Variants in SERPINA7 observed in about 807,000 individuals in gnomAD.
SERPINA7 encodes thyroxine-binding globulin.
SERPINA7 carries 14 observed loss-of-function variants against 16.0 expected under a neutral mutation model. The ratio of observed to expected loss-of-function variants is 0.88; its 90% CI spans 0.58 to 1.37. The LOEUF (loss-of-function observed/expected upper bound fraction) is 1.37. Among genes scored for constraint, SERPINA7 ranks in the 40% most tolerant of loss-of-function variants. The probability of loss-of-function intolerance (pLI) is 0.00; values close to 1 mark genes in which losing one functional copy is unlikely to be tolerated. For synonymous variants in SERPINA7, 140 were observed against 111.0 expected, an observed-to-expected ratio of 1.26 and a Z score of -1.65; for missense variants, 335 against 296.6, an observed-to-expected ratio of 1.13 and a Z score of -0.95.
rs1267062836 is a variant in SERPINA7 at position 106,036,546 on chromosome X, C to A, written c.513G>T (p.Gln171His). ...GCATCTCCACATGACTGTTAATCTC[C>A]TGCTTGGCTGCAGAAATGTTGGAGA... is the stretch of plus-strand genomic sequence containing the variant. ...TDFSNISAAK[Q>H]EINSHVEMQT... Residue 171 changes from glutamine to histidine, a missense_variant, in exon 2 of 5, where the codon CAG becomes CAT. Gln to His is a conservative substitution (Grantham distance 24). Transcript: ENST00000372563. 1 of 1,211,338 alleles carries A rather than the reference C, an allele frequency of 8.3e-7. No homozygotes were observed. The highest frequency in any genetic ancestry group is 3.0e-5 in the East Asian group (1 of 33,788).
chrX:106,034,301 C>A lies in SERPINA7; in HGVS notation c.978G>T (p.Gln326His). 1 of 1,206,408 alleles carries A rather than the reference C, an allele frequency of 8.3e-7. No homozygotes were observed. Among genetic ancestry groups the A allele is most frequent in the Non-Finnish European group, 1.1e-6 (1 of 890,730 alleles). ...AATCAGCATTTTCAGAATAGGCATGCTGAATGCCCATCTTCAAAAGTGTGG... is the reference window on the plus strand; with the variant it reads ...AATCAGCATTTTCAGAATAGGCATGATGAATGCCCATCTTCAAAAGTGTGG... Reference protein sequence around the residue: ...LGATLLKMGIQHAYSENADFS... With the variant: ...LGATLLKMGIHHAYSENADFS... Residue 326 changes from glutamine to histidine, a missense_variant, in exon 4 of 5, where the codon CAG becomes CAT. Physicochemically the swap from Gln to His is conservative, Grantham distance 24. Transcript: ENST00000372563.
At position 106,036,774 on chromosome X, in the gene SERPINA7, G is replaced by A. The variant is rs1204847629; in HGVS notation, c.285C>T (p.Thr95=). Residue 95 remains threonine (T), a synonymous_variant, in exon 2 of 5, where the codon ACC becomes ACT. Transcript: ENST00000372563. The stretch of plus-strand genomic sequence containing the variant: ...GAGTGTCTGTGAGGTTGAACCCCAA[G>A]GTCTCCACAATCTCAGTTTGGGTGC... ...CCSTQTEIVE[T]LGFNLTDTPM... 1 of 1,210,906 alleles carries A rather than the reference G, an allele frequency of 8.3e-7. No individual in the cohort carries two copies. Among genetic ancestry groups the A allele is most frequent in the Admixed American group, 2.2e-5 (1 of 45,864 alleles).
rs184322418 is a variant in SERPINA7 at position 106,033,060 on chromosome X, G to A, written c.*440C>T. On this transcript the variant is annotated 3_prime_UTR_variant, in exon 5 of 5. Transcript: ENST00000372563. ...AGAACTCAGAGAATCCTACTAATGG[G>A]ACAGTGGGAAGGGGGTTGAGAAGTT... 171 of 172,323 alleles carry A rather than the reference G, an allele frequency of 9.9e-4. 5 individuals are homozygous for A. The East Asian group carries it at 0.017, about 17-fold the overall frequency. The allele number at this position is 172,323 out of a possible 1,213,427, so 14.2% of individuals were successfully genotyped here. A position where few individuals can be genotyped will look rare whatever the true frequency, so the allele number is the denominator to read the frequency against.
intron 1 of SERPINA7, among the ~76,000 whole-genome samples, chrX:106,038,022 A>ACCCT (rs2041464981): frequency 9.0e-6 from 1 of 110,908 alleles, no homozygotes; most frequent in South Asian, 3.8e-4. Context: ...GAGTGATCTT[A>ACCCT]CCCTCCGCAC....
rs1348873804 is a variant in SERPINA7 at position 106,033,289 on chromosome X, T to C, written c.*211A>G. Reference sequence around the variant, plus strand: ...ATACAAACATAGAGCCTTCCTATGCTTTGGATAATAATGAATTACTCATTG... The same window carrying C: ...ATACAAACATAGAGCCTTCCTATGCCTTGGATAATAATGAATTACTCATTG... On this transcript the variant is annotated 3_prime_UTR_variant, in exon 5 of 5. Coordinates refer to ENST00000372563, the MANE Select transcript of SERPINA7 (RefSeq NM_000354.6). 5 of 448,869 alleles carry C rather than the reference T, an allele frequency of 1.1e-5. No homozygotes were observed. In the East Asian group the frequency reaches 1.1e-4, roughly 10 times the overall value. The allele number at this position is 448,869 out of a possible 1,213,427, so 37.0% of individuals were successfully genotyped here. A position where few individuals can be genotyped will look rare whatever the true frequency, so the allele number is the denominator to read the frequency against.
intron 3 of SERPINA7, 86 bp from the exon 4 acceptor site, chrX:106,034,468 T>C (rs62603105): frequency 2.5e-5 from 21 of 844,396 alleles, no homozygotes; most frequent in African/African-American, 6.0e-5. Flanking sequence ...TGGTATTATA[T>C]TGGACTCTGC....
Position 106,035,402 on chromosome X carries a change from AAG to A in SERPINA7, c.623-19_623-18del. ...CCCACTGGGCTTAAAATACAAAGAA[AAG>A]AGAGGTGTTTATTTTAAACCGGTAT... On this transcript the variant is annotated intron_variant, in intron 2 of 4. Coordinates refer to ENST00000372563, the MANE Select transcript of SERPINA7 (RefSeq NM_000354.6). 2.5e-6 allele frequency: 3 copies of A among 1,203,172 alleles called. No individual in the cohort carries two copies. The highest frequency in any genetic ancestry group is 2.3e-6 in the Non-Finnish European group (2 of 887,793).
In SERPINA7 at chrX:106,037,044, C is replaced by T; in HGVS notation, c.15G>A (p.Leu5=). ...GCCCAAGTACCAAGAGAACCAGATA[C>T]AGGAATGGTGACATTTTGGAAGGAA... The part of the protein sequence containing the change: MSPF[L]YLVLLVLGLH... The change falls in exon 2 of 5, where the codon CTG becomes CTA. Residue 5 remains leucine, a synonymous_variant. Transcript: ENST00000372563. 8.3e-7 allele frequency: 1 copy of T among 1,209,437 alleles called. No homozygotes were observed. Among genetic ancestry groups the T allele is most frequent in the Non-Finnish European group, 1.1e-6 (1 of 893,931 alleles).
chrX:106,034,795 T>C (rs950558996), intron 3 of SERPINA7, among the ~76,000 whole-genome samples: 2 of 111,637 alleles, frequency 1.8e-5, no homozygotes, highest in African/African-American at 6.5e-5. Context: ...CTCTAGTTGG[T>C]CTACAGGAAG....
rs1178965467 is a variant in SERPINA7 at position 106,035,105 on chromosome X, C to T, written c.896+7G>A. 11 of 1,209,241 alleles carry T rather than the reference C, an allele frequency of 9.1e-6. No homozygotes were observed. The highest frequency in any genetic ancestry group is 2.2e-5 in the Admixed American group (1 of 45,740). On this transcript the variant is annotated splice_region_variant and intron_variant, in intron 3 of 4. Transcript: ENST00000372563. ...CCTTCCACCCACACATCCTCTAAGG[C>T]ATTTACCCCTTCTGTAGTAAGCGGT...
rs1286825051 is a variant in SERPINA7 at position 106,037,485 on chromosome X, A to AT, written c.-17-411dup. 105 of 115,256 alleles carry AT rather than the reference A, an allele frequency of 9.1e-4. 1 individual carries two copies. In the East Asian group the frequency reaches 9.9e-3, roughly 11 times the overall value. 9.5% of individuals were successfully genotyped at this position (115,256 alleles called of 1,213,427 possible). ...TATTCATTGTAGATTAGAATTTTAG[A>AT]TTTTTTTTTTCATCTGGCATTTTCT... On this transcript the variant is annotated intron_variant, in intron 1 of 4. Coordinates refer to ENST00000372563, the MANE Select transcript of SERPINA7 (RefSeq NM_000354.6).
rs1312831773 is a variant in SERPINA7 at position 106,033,234 on chromosome X, GA to G, written c.*265del. On this transcript the variant is annotated 3_prime_UTR_variant, in exon 5 of 5. Coordinates refer to ENST00000372563, the MANE Select transcript of SERPINA7 (RefSeq NM_000354.6). ...CCCAGTCAAATTTATTAGAGCAAAT[GA>G]GTTGAGGGGTATTCTGACAAAGAGA... 2.7e-6 allele frequency: 1 copy of G among 370,127 alleles called. No individual in the cohort carries two copies. Among genetic ancestry groups the G allele is most frequent in the Non-Finnish European group, 4.7e-6 (1 of 211,203 alleles). 30.5% of individuals were successfully genotyped at this position (370,127 alleles called of 1,213,427 possible). A position where few individuals can be genotyped will look rare whatever the true frequency, so the allele number is the denominator to read the frequency against.
In SERPINA7 at chrX:106,034,348, A is replaced by G; in HGVS notation, c.931T>C (p.Ser311Pro). The G allele has an allele frequency of 8.3e-7, 1 of 1,209,157 alleles. No individual in the cohort carries two copies. The highest frequency in any genetic ancestry group is 1.1e-6 in the Non-Finnish European group (1 of 893,100). The change falls in exon 4 of 5, where the codon TCT becomes CCT. Residue 311 changes from serine (S) to proline (P), a missense_variant. Coordinates refer to ENST00000372563, the MANE Select transcript of SERPINA7 (RefSeq NM_000354.6). ...GTGGCTCCAAGGTCATATGTGGCAG[A>G]AATGGAAAACTTTGGAACAAACAAG... ...VDLFVPKFSI[S>P]ATYDLGATLL...
chrX:106,034,495 G>A, intron 3 of SERPINA7, 113 bp from the exon 4 acceptor site: 4 of 676,127 alleles, frequency 5.9e-6, no homozygotes, highest in Non-Finnish European at 9.5e-6. Context: ...CCTGAGTATT[G>A]ATAACCATTA....
rs147765186 is a variant in SERPINA7 at position 106,033,022 on chromosome X, G to A, written c.*478C>T. 804 of 149,837 alleles carry A rather than the reference G, an allele frequency of 5.4e-3. 7 individuals are homozygous for A. The highest frequency in any genetic ancestry group is 0.023 in the African/African-American group (734 of 31,315). The allele number at this position is 149,837 out of a possible 1,213,427, so 12.3% of individuals were successfully genotyped here. On this transcript the variant is annotated 3_prime_UTR_variant, in exon 5 of 5. Coordinates refer to ENST00000372563, the MANE Select transcript of SERPINA7 (RefSeq NM_000354.6). ...GAGTTCCTTTATTCAACCTACCAGT[G>A]TCAGATCTGGCAAGAACTCAGAGAA...
rs539085331 is a variant in SERPINA7 at position 106,035,034 on chromosome X, C to A, written c.896+78G>T. 2.5e-3 allele frequency: 2,793 copies of A among 1,123,758 alleles called. 40 individuals are homozygous for A. The South Asian group carries it at 0.048, about 19-fold the overall frequency. 92.6% of individuals were successfully genotyped at this position (1,123,758 alleles called of 1,213,427 possible). A position where few individuals can be genotyped will look rare whatever the true frequency, so the allele number is the denominator to read the frequency against. ...GGGTAGTTCAGGGTGATTCTTCTGC[C>A]TCTGGGTTTCTGCTGAACTCTGTCT... On this transcript the variant is annotated intron_variant, in intron 3 of 4. Coordinates refer to ENST00000372563, the MANE Select transcript of SERPINA7 (RefSeq NM_000354.6).
intron 1 of SERPINA7, chrX:106,037,296 G>A (rs1483822144): frequency 2.5e-6 from 1 of 393,398 alleles, no homozygotes; most frequent in African/African-American, 2.5e-5. Flanking sequence ...TGCAACCACG[G>A]AAATAATGCC....
In SERPINA7 at chrX:106,035,225, G is replaced by T; in HGVS notation, c.783C>A (p.Tyr261Ter). 1 of 1,211,159 alleles carries T rather than the reference G, an allele frequency of 8.3e-7. No homozygotes were observed. The highest frequency in any genetic ancestry group is 1.8e-5 in the South Asian group (1 of 56,983). Residue 261 changes from tyrosine (Y) to a stop codon, truncating the protein, a stop_gained, in exon 3 of 5, where the codon TAC becomes TAA. Coordinates refer to ENST00000372563, the MANE Select transcript of SERPINA7 (RefSeq NM_000354.6). LOFTEE classifies it high-confidence loss of function. ...ELNCTVLQMDYSKNALALFVL... is the reference protein window; with the variant it reads ...ELNCTVLQMD Reference sequence around the variant, plus strand: ...CAAAGAGTGCCAGAGCATTCTTGCTGTAGTCCATTTGCAGAACTGTGCAGT... The same window carrying T: ...CAAAGAGTGCCAGAGCATTCTTGCTTTAGTCCATTTGCAGAACTGTGCAGT...
chrX:106,034,514 G>A, intron 3 of SERPINA7, 132 bp from the exon 4 acceptor site: 1 of 587,738 alleles, frequency 1.7e-6, no homozygotes, highest in Non-Finnish European at 2.9e-6. Context: ...TACTATGTAA[G>A]TCAATACATG....
Sources: gnomAD v4.1 joint callset for allele counts (sites outside exome capture counted in the v4.1 genomes callset) on GRCh38, gnomAD v4.1.1 for gene constraint, MANE v1.5 for transcripts, NCBI Gene and HGNC (gene_info 2026-07-23, HGNC 2026-07-21) for gene names.